The following LENG8 variants were observed in gnomAD, a reference collection of about 807,000 sequenced individuals.
LENG8 encodes the protein leukocyte receptor cluster member 8.
In LENG8, 28 loss-of-function variants were observed where a neutral mutation model predicts 102.1. The observed-to-expected ratio is 0.27, with a 90% CI of 0.20 to 0.38. LENG8 has a LOEUF of 0.38. Among genes scored for constraint, LENG8 ranks in the 10% least tolerant of loss-of-function variants. The pLI, the probability that LENG8 is intolerant of heterozygous loss-of-function variation, is 1.00. For missense variants in LENG8, 1,022 were observed against 1,113.9 expected, an observed-to-expected ratio of 0.92 and a Z score of 1.17; for synonymous variants, 531 against 456.7, an observed-to-expected ratio of 1.16 and a Z score of -2.07.
intron 4 of LENG8, among the ~76,000 whole-genome samples, 154 bp from the exon 5 acceptor site, chr19:54,453,392 C>T (rs1364599077): frequency 1.3e-5 from 2 of 152,018 alleles, no homozygotes; most frequent in Non-Finnish European, 2.9e-5. Context: ...TTTTTCTTTT[C>T]CTAATATATG....
At chr19:54,458,072 G>C (rs1170308741) in intron 13 of LENG8, 31 bp from the exon 14 acceptor site, 1 of 1,612,036 alleles carries the variant, frequency 6.2e-7, no homozygotes. Flanking sequence ...CCCTCACTCT[G>C]CTCTCCTCCC....
intron 15 of LENG8, chr19:54,458,826 C>T (rs996469508): frequency 9.7e-6 from 15 of 1,550,920 alleles, no homozygotes; most frequent in Non-Finnish European, 1.2e-5. Flanking sequence ...GCCTGGACCC[C>T]CTAGTTCACT....
intron 2 of LENG8, 42 bp downstream of exon 2, chr19:54,451,424 G>A: frequency 6.2e-7 from 1 of 1,603,854 alleles, no homozygotes. Flanking sequence ...GGGAGGGAAA[G>A]AGGAAGCAAG....
intron 2 of LENG8, 120 bp downstream of exon 2, chr19:54,451,502 G>T (rs1477815459): frequency 1.0e-6 from 1 of 984,618 alleles, no homozygotes; most frequent in Non-Finnish European, 1.6e-6. Context: ...AATCCCTGTG[G>T]GTGGGGGTGG....
At position 54,462,008 on chromosome 19, in the gene LENG8, AAG is replaced by A. The variant is rs751705318; in HGVS notation, c.*1087_*1088del. 1.3e-4 allele frequency: 189 copies of A among 1,448,970 alleles called. 2 individuals are homozygous for A. The Admixed American group carries it at 1.3e-3, about 10-fold the overall frequency. The allele number at this position is 1,448,970 out of a possible 1,614,324, so 89.8% of individuals were successfully genotyped here. On this transcript the variant is annotated 3_prime_UTR_variant, in exon 16 of 16. Coordinates refer to ENST00000326764, the MANE Select transcript of LENG8 (RefSeq NM_052925.4). ...GAGAGAAACCAAAATTAAAGAGAGA[AAG>A]AGAGAGCGTGCACGCTCCTGCTTTG...
intron 15 of LENG8, chr19:54,459,087 T>C: frequency 7.2e-7 from 1 of 1,384,946 alleles, no homozygotes; most frequent in South Asian, 1.9e-5. Flanking sequence ...TGCGCCTGGC[T>C]TGCTGTGGGT....
At chr19:54,460,718 T>TTGGCCA in intron 15 of LENG8, 48 bp from the exon 16 acceptor site, 1 of 1,048,040 alleles carries the variant, frequency 9.5e-7, no homozygotes, top group Non-Finnish European at 1.3e-6. Flanking sequence ...GGCCCTCCCC[T>TTGGCCA]GCCCTCCCGC....
chr19:54,454,386 C>A (rs748249982), intron 5 of LENG8, 44 bp from the exon 6 acceptor site: 1 of 1,546,188 alleles, frequency 6.5e-7, no homozygotes. Flanking sequence ...ACTCGCCAGC[C>A]CCAGAATCTG....
At chr19:54,457,055 G>A (rs924860957) in intron 11 of LENG8, 134 bp downstream of exon 11, 36 of 1,043,704 alleles carry the variant, frequency 3.4e-5, no homozygotes, top group East Asian at 2.1e-4. Flanking sequence ...GAGACGCCTC[G>A]GCTGGTCGGC....
At position 54,455,580 on chromosome 19, in the gene LENG8, G is replaced by C; in HGVS notation, c.1025+13G>C. 5.6e-6 allele frequency: 9 copies of C among 1,595,218 alleles called. No homozygotes were observed. Among genetic ancestry groups the C allele is most frequent in the Non-Finnish European group, 6.8e-6 (8 of 1,175,840 alleles). ...AGCCCTTGCCGGGGTTAGTCTGGGT[G>C]GGGGACATAGGTGGGAGGGTGGTGC... On this transcript the variant is annotated intron_variant, in intron 8 of 15. Transcript: ENST00000326764.
chr19:54,457,009 C>T (rs1475167583), intron 11 of LENG8, 88 bp downstream of exon 11: 11 of 1,367,328 alleles, frequency 8.0e-6, no homozygotes, highest in Non-Finnish European at 6.8e-6. Context: ...GCAGAGGCCA[C>T]ACGGGGGCTC....
chr19:54,461,037 C>G lies in LENG8; in HGVS notation c.*109C>G, dbSNP rs775464010. 91 of 1,475,830 alleles carry G rather than the reference C, an allele frequency of 6.2e-5. No individual in the cohort carries two copies. Among genetic ancestry groups the G allele is most frequent in the Non-Finnish European group, 8.1e-5 (89 of 1,098,254 alleles). 91.4% of individuals were successfully genotyped at this position (1,475,830 alleles called of 1,614,324 possible). A position where few individuals can be genotyped will look rare whatever the true frequency, so the allele number is the denominator to read the frequency against. On this transcript the variant is annotated 3_prime_UTR_variant, in exon 16 of 16. Transcript: ENST00000326764. Reference sequence around the variant, plus strand: ...GTTGTAAATTTATTTGTGGGGAGTGCGCTCCAGGAAGAGCCACCATCCCTG... The same window carrying G: ...GTTGTAAATTTATTTGTGGGGAGTGGGCTCCAGGAAGAGCCACCATCCCTG...
intron 11 of LENG8, 137 bp downstream of exon 11, chr19:54,457,058 TG>T (rs1324335378): frequency 1.9e-6 from 2 of 1,034,110 alleles, no homozygotes; most frequent in East Asian, 2.6e-5. Flanking sequence ...ACGCCTCGGC[TG>T]GTCGGCATTC....
intron 15 of LENG8, 125 bp downstream of exon 15, chr19:54,458,646 C>G: frequency 6.4e-7 from 1 of 1,556,148 alleles, no homozygotes; most frequent in Non-Finnish European, 8.7e-7. Flanking sequence ...TCCTTGCTTC[C>G]CCATCATCTT....
chr19:54,461,348 G>T lies in LENG8; in HGVS notation c.*420G>T. On this transcript the variant is annotated 3_prime_UTR_variant, in exon 16 of 16. Transcript: ENST00000326764. ...TCCAGCCCGTGCCCGCCTGCGGCGG[G>T]GGCACCCAGCAAGCCCGCCCACCGC... 2.2e-6 allele frequency: 1 copy of T among 458,922 alleles called. No homozygotes were observed. The highest frequency in any genetic ancestry group is 1.6e-5 in the South Asian group (1 of 64,202). 28.4% of individuals were successfully genotyped at this position (458,922 alleles called of 1,614,324 possible).
chr19:54,460,599 C>T (rs1364629972), intron 15 of LENG8, 167 bp from the exon 16 acceptor site: 2 of 1,420,628 alleles, frequency 1.4e-6, no homozygotes, highest in Admixed American at 3.0e-5. Context: ...CCCCCGGGCC[C>T]CCCCCGAGCC....
At chr19:54,454,331 C>T in intron 5 of LENG8, 99 bp from the exon 6 acceptor site, 2 of 1,243,652 alleles carry the variant, frequency 1.6e-6, no homozygotes, top group Non-Finnish European at 2.2e-6. Flanking sequence ...GGGTTGAGTG[C>T]TGAGTGCTGT....
chr19:54,457,880 A>C, intron 12 of LENG8, 32 bp downstream of exon 12: 4 of 1,613,190 alleles, frequency 2.5e-6, no homozygotes, highest in Non-Finnish European at 3.4e-6. Context: ...GCCTGGCCTC[A>C]GCCAGTCCTG....
At position 54,456,281 on chromosome 19, in the gene LENG8, AG is replaced by A. The variant is rs753809897; in HGVS notation, c.1305-39del. ...TCCCGGCTGGGGCTGTGTGTGAGGG[AG>A]GGGGAGGCGTTTCAGGCCTGACCCT... is the stretch of plus-strand genomic sequence containing the variant. On this transcript the variant is annotated intron_variant, in intron 9 of 15. Coordinates refer to ENST00000326764, the MANE Select transcript of LENG8 (RefSeq NM_052925.4). The A allele has an allele frequency of 1.4e-5, 22 of 1,613,780 alleles. No homozygotes were observed. The Middle Eastern group carries it at 4.9e-4, about 36-fold the overall frequency.
Sources: gnomAD v4.1 joint callset for allele counts (sites outside exome capture counted in the v4.1 genomes callset) on GRCh38, gnomAD v4.1.1 for gene constraint, MANE v1.5 for transcripts, NCBI Gene and HGNC (gene_info 2026-07-23, HGNC 2026-07-21) for gene names.